The following PITPNC1 variants were observed in gnomAD, a reference collection of about 807,000 sequenced individuals.
PITPNC1 encodes phosphatidylinositol transfer protein cytoplasmic 1.
A neutral mutation model predicts 44.7 loss-of-function variants in PITPNC1; 18 were observed. That is an observed-to-expected ratio of 0.40 (90% confidence interval 0.28 to 0.60). The LOEUF is 0.60. PITPNC1 is among the 20% of genes least tolerant of loss of function. The pLI is 0.39. For missense variants in PITPNC1, 290 were observed against 418.4 expected (o/e 0.69, Z 2.68); for synonymous variants, 141 against 149.6 (o/e 0.94, Z 0.42).
At chr17:67,402,903 G>A (rs1277737285) in intron 1 of PITPNC1, among the ~76,000 whole-genome samples, 1 of 152,168 alleles carries the variant, frequency 6.6e-6, no homozygotes, top group Admixed American at 6.5e-5. Flanking sequence ...CTGACCTCAA[G>A]TGATCTGCCC....
chr17:67,560,164 T>G (rs2040888040), intron 4 of PITPNC1, among the ~76,000 whole-genome samples: 2 of 152,208 alleles, frequency 1.3e-5, no homozygotes, highest in Admixed American at 6.5e-5. Flanking sequence ...GCATGCAACG[T>G]TTCCCGAGCT....
chr17:67,575,853 T>TA (rs2041138723), intron 4 of PITPNC1, among the ~76,000 whole-genome samples: 1 of 90,918 alleles, frequency 1.1e-5, no homozygotes, highest in African/African-American at 4.7e-5. Flanking sequence ...TTTCTTTCTT[T>TA]CTTTCCTTCC....
At chr17:67,516,019 A>G (rs1401208688) in intron 1 of PITPNC1, among the ~76,000 whole-genome samples, 2 of 152,158 alleles carry the variant, frequency 1.3e-5, no homozygotes, top group African/African-American at 4.8e-5. Context: ...TGTAGGAGGA[A>G]GACCTTCTAG....
At chr17:67,467,054 A>ATTTTT (rs10623552) in intron 1 of PITPNC1, among the ~76,000 whole-genome samples, 34 of 95,344 alleles carry the variant, frequency 3.6e-4, no homozygotes, top group Admixed American at 7.1e-4. Flanking sequence ...CAGTTAGGAG[A>ATTTTT]TTTTTTTTTT....
At chr17:67,635,197 A>G (rs973035761) in intron 6 of PITPNC1, among the ~76,000 whole-genome samples, 8 of 152,232 alleles carry the variant, frequency 5.3e-5, no homozygotes, top group Non-Finnish European at 1.2e-4. Flanking sequence ...GGAGACCACC[A>G]AGGTCACTAT....
chr17:67,445,979 C>T (rs1200844079), intron 1 of PITPNC1, among the ~76,000 whole-genome samples: 5 of 151,874 alleles, frequency 3.3e-5, no homozygotes, highest in Non-Finnish European at 5.9e-5. Context: ...CAGAATCTCA[C>T]TCTGTCGCCC....
chr17:67,685,263 C>T (rs2042791188), intron 8 of PITPNC1, among the ~76,000 whole-genome samples: 1 of 152,228 alleles, frequency 6.6e-6, no homozygotes, highest in Non-Finnish European at 1.5e-5. Context: ...CCTTGCTTGG[C>T]CAAGCTGCTG....
chr17:67,683,491 A>G (rs1033018879), intron 8 of PITPNC1, among the ~76,000 whole-genome samples: 3 of 152,208 alleles, frequency 2.0e-5, no homozygotes, highest in African/African-American at 7.2e-5. Flanking sequence ...CATCATGTTC[A>G]TACACATTTA....
chr17:67,586,103 G>C (rs1259328845), intron 5 of PITPNC1, among the ~76,000 whole-genome samples: 1 of 152,178 alleles, frequency 6.6e-6, no homozygotes, highest in Non-Finnish European at 1.5e-5. Context: ...AGCATTAGGA[G>C]TGAGAATAAG....
At chr17:67,683,494 C>T (rs2042751379) in intron 8 of PITPNC1, among the ~76,000 whole-genome samples, 1 of 152,094 alleles carries the variant, frequency 6.6e-6, no homozygotes, top group African/African-American at 2.4e-5. Flanking sequence ...CATGTTCATA[C>T]ACATTTATAG....
At chr17:67,446,472 A>G (rs1363183474) in intron 1 of PITPNC1, among the ~76,000 whole-genome samples, 2 of 151,242 alleles carry the variant, frequency 1.3e-5, no homozygotes, top group African/African-American at 4.8e-5. Context: ...ACCCACAGAC[A>G]TTGAGCATTA....
At chr17:67,492,358 G>C (rs1466141163) in intron 1 of PITPNC1, among the ~76,000 whole-genome samples, 1 of 152,190 alleles carries the variant, frequency 6.6e-6, no homozygotes, top group African/African-American at 2.4e-5. Flanking sequence ...AGAAGACACA[G>C]ACACACAGGA....
chr17:67,391,950 T>G (rs949692513), intron 1 of PITPNC1, among the ~76,000 whole-genome samples: 2 of 152,214 alleles, frequency 1.3e-5, no homozygotes, highest in African/African-American at 4.8e-5. Context: ...ATTCTTCAGT[T>G]TAACTCTGAT....
chr17:67,615,074 G>A (rs1015601417), intron 5 of PITPNC1, among the ~76,000 whole-genome samples: 4 of 152,120 alleles, frequency 2.6e-5, no homozygotes, highest in East Asian at 1.9e-4. Context: ...TGTCTTACCC[G>A]TGCCTGGAGG....
At chr17:67,502,216 T>C (rs2040040655) in intron 1 of PITPNC1, among the ~76,000 whole-genome samples, 1 of 152,128 alleles carries the variant, frequency 6.6e-6, no homozygotes, top group Non-Finnish European at 1.5e-5. Context: ...CCATAGCTTA[T>C]GAATTATTCC....
At chr17:67,418,122 C>T (rs966732772) in intron 1 of PITPNC1, among the ~76,000 whole-genome samples, 2 of 152,190 alleles carry the variant, frequency 1.3e-5, no homozygotes, top group Non-Finnish European at 2.9e-5. Flanking sequence ...CTTTTACCAA[C>T]AGATGATTTG....
At chr17:67,630,051 C>T (rs1051585067) in intron 5 of PITPNC1, among the ~76,000 whole-genome samples, 3 of 152,172 alleles carry the variant, frequency 2.0e-5, no homozygotes, top group African/African-American at 4.8e-5. Context: ...AAGGACTAAT[C>T]GTTTCAAGTA....
chr17:67,580,236 A>T (rs1485156561), intron 5 of PITPNC1, among the ~76,000 whole-genome samples: 4 of 152,186 alleles, frequency 2.6e-5, no homozygotes, highest in African/African-American at 4.8e-5. Context: ...TGGTCACTGG[A>T]TATTGAAGTA....
At chr17:67,473,201 A>C (rs1321943138) in intron 1 of PITPNC1, among the ~76,000 whole-genome samples, 2 of 150,870 alleles carry the variant, frequency 1.3e-5, no homozygotes, top group African/African-American at 4.9e-5. Flanking sequence ...ATTATTTTAA[A>C]AGTTATTCTT....
Sources: gnomAD v4.1 joint callset for allele counts (sites outside exome capture counted in the v4.1 genomes callset) on GRCh38, gnomAD v4.1.1 for gene constraint, MANE v1.5 for transcripts, NCBI Gene and HGNC (gene_info 2026-07-23, HGNC 2026-07-21) for gene names.